HACD2: variants seen among roughly 807,000 people sequenced by gnomAD.
HACD2 encodes very-long-chain (3R)-3-hydroxyacyl-CoA dehydratase 2.
Under a neutral mutation model 31.0 loss-of-function variants are expected in HACD2, and 15 were observed. The ratio of observed to expected loss-of-function variants is 0.48; its 90% CI spans 0.32 to 0.75. The LOEUF (loss-of-function observed/expected upper bound fraction) is 0.75, where lower values mean the gene tolerates loss of function less well. Ranked by LOEUF, HACD2 falls within the 30% of genes least tolerant of loss-of-function variation. HACD2 has a pLI of 0.03. For synonymous variants in HACD2, 115 were observed against 122.2 expected (o/e 0.94, Z 0.39); for missense variants, 283 against 313.0 (o/e 0.90, Z 0.72).
intron 3 of HACD2, among the ~76,000 whole-genome samples, chr3:123,549,658 A>G (rs892916204): frequency 2.0e-5 from 3 of 152,064 alleles, no homozygotes; most frequent in African/African-American, 7.2e-5. Flanking sequence ...TGAGGTGGAA[A>G]GATTGCTTGA....
chr3:123,584,682 G>A, intron 1 of HACD2, 191 bp downstream of exon 1: 1 of 417,484 alleles, frequency 2.4e-6, no homozygotes. Flanking sequence ...GCAGGAGGGA[G>A]CTCGCGGGCA....
chr3:123,506,397 A>G (rs572322773), intron 4 of HACD2, among the ~76,000 whole-genome samples: 1 of 152,134 alleles, frequency 6.6e-6, no homozygotes, highest in East Asian at 1.9e-4. Flanking sequence ...ATGATAACTT[A>G]TATTTTTCTT....
intron 3 of HACD2, among the ~76,000 whole-genome samples, chr3:123,548,196 T>C (rs1003217784): frequency 2.6e-5 from 4 of 151,970 alleles, no homozygotes; most frequent in African/African-American, 4.8e-5. Context: ...TTCTAACAAA[T>C]AGAAAACAAG....
chr3:123,519,863 T>C (rs531203366), intron 4 of HACD2, among the ~76,000 whole-genome samples: 13 of 152,364 alleles, frequency 8.5e-5, no homozygotes, highest in Admixed American at 2.0e-4. Context: ...TTCTAACTTT[T>C]CTTGGCTTTG....
At chr3:123,546,294 G>A (rs748404667) in intron 3 of HACD2, among the ~76,000 whole-genome samples, 3 of 152,020 alleles carry the variant, frequency 2.0e-5, no homozygotes, top group Non-Finnish European at 4.4e-5. Context: ...TTGCTCTATC[G>A]GCTCAGGACT....
At chr3:123,500,402 A>G (rs2055888332) in intron 6 of HACD2, 113 bp downstream of exon 6, 1 of 717,094 alleles carries the variant, frequency 1.4e-6, no homozygotes, top group Non-Finnish European at 2.2e-6. Context: ...AGAATTCCCA[A>G]TAAATGAGAT....
At chr3:123,543,059 C>G (rs1485008169) in intron 3 of HACD2, among the ~76,000 whole-genome samples, 3 of 152,234 alleles carry the variant, frequency 2.0e-5, no homozygotes, top group Non-Finnish European at 4.4e-5. Flanking sequence ...GGGAATATTA[C>G]ATTCCAGGTT....
rs922672240 is a variant in HACD2 at position 123,494,131 on chromosome 3, C to T, written c.*757G>A. 5 of 152,212 alleles carry T rather than the reference C, an allele frequency of 3.3e-5. No individual in the cohort carries two copies. 9.4% of individuals were successfully genotyped at this position (152,212 alleles called of 1,614,324 possible). ...GTCACTTTTGAGCTATTGAGCTCCC[C>T]CTTTCTGAGACCTGTCATTTTGTTA... On this transcript the variant is annotated 3_prime_UTR_variant, in exon 7 of 7. Coordinates refer to ENST00000383657, the MANE Select transcript of HACD2 (RefSeq NM_198402.5).
At chr3:123,563,430 C>T (rs1228635800) in intron 3 of HACD2, among the ~76,000 whole-genome samples, 1 of 152,086 alleles carries the variant, frequency 6.6e-6, no homozygotes, top group Non-Finnish European at 1.5e-5. Flanking sequence ...GGGCAGGGCA[C>T]AGATCATGAA....
At chr3:123,535,671 T>A (rs1357675545) in intron 3 of HACD2, among the ~76,000 whole-genome samples, 1 of 152,118 alleles carries the variant, frequency 6.6e-6, no homozygotes, top group African/African-American at 2.4e-5. Flanking sequence ...ACAGCAATGG[T>A]GAAGTGGGGG....
chr3:123,567,757 C>A lies in HACD2; in HGVS notation c.292+5G>T. ...TACATAGTAGGGGGGAATATCCATACTTACCTATAGCACAATGTAAAATCT... is the reference window on the plus strand; with the variant it reads ...TACATAGTAGGGGGGAATATCCATAATTACCTATAGCACAATGTAAAATCT... On this transcript the variant is annotated splice_donor_5th_base_variant and intron_variant, in intron 3 of 6. Transcript: ENST00000383657. 6.8e-7 allele frequency: 1 copy of A among 1,479,470 alleles called. No homozygotes were observed. The highest frequency in any genetic ancestry group is 9.1e-7 in the Non-Finnish European group (1 of 1,101,872). 91.6% of individuals were successfully genotyped at this position (1,479,470 alleles called of 1,614,324 possible). A position where few individuals can be genotyped will look rare whatever the true frequency, so the allele number is the denominator to read the frequency against.
chr3:123,537,590 C>A (rs1015905376), intron 3 of HACD2, among the ~76,000 whole-genome samples: 20 of 151,164 alleles, frequency 1.3e-4, no homozygotes, highest in Non-Finnish European at 2.5e-4. Flanking sequence ...CACATACACA[C>A]ACACACACAC....
At chr3:123,536,879 T>C (rs147760425) in intron 3 of HACD2, among the ~76,000 whole-genome samples, 2 of 152,242 alleles carry the variant, frequency 1.3e-5, no homozygotes, top group Non-Finnish European at 2.9e-5. Flanking sequence ...AGGCAAAAGG[T>C]AGACATCACC....
chr3:123,499,585 G>A, intron 6 of HACD2: 1 of 454,160 alleles, frequency 2.2e-6, no homozygotes, highest in Non-Finnish European at 4.4e-6. Flanking sequence ...TTGTTAGGGT[G>A]ATTCATTCCG....
At chr3:123,532,568 C>T (rs567134530) in intron 3 of HACD2, among the ~76,000 whole-genome samples, 12 of 152,172 alleles carry the variant, frequency 7.9e-5, no homozygotes, top group African/African-American at 9.7e-5. Flanking sequence ...CAGTGGCTTA[C>T]GCCTGTAATC....
intron 4 of HACD2, among the ~76,000 whole-genome samples, chr3:123,521,541 G>A (rs549968047): frequency 2.8e-4 from 42 of 150,642 alleles, no homozygotes; most frequent in African/African-American, 7.3e-4. Flanking sequence ...CCCTTCTTGC[G>A]TTAGAATTGA....
chr3:123,515,931 T>C (rs2056129755), intron 4 of HACD2, among the ~76,000 whole-genome samples: 1 of 152,056 alleles, frequency 6.6e-6, no homozygotes, highest in African/African-American at 2.4e-5. Flanking sequence ...TAAATTTTTG[T>C]ATTTTTTTGG....
chr3:123,544,849 G>A (rs1190274535), intron 3 of HACD2, among the ~76,000 whole-genome samples: 3 of 151,850 alleles, frequency 2.0e-5, no homozygotes, highest in Non-Finnish European at 4.4e-5. Flanking sequence ...ACAGGCAGGA[G>A]GAATGCTTGA....
At chr3:123,514,218 T>C (rs998553810) in intron 4 of HACD2, among the ~76,000 whole-genome samples, 1 of 152,064 alleles carries the variant, frequency 6.6e-6, no homozygotes. Flanking sequence ...GAGGTTGCAG[T>C]GAGCCAAGAT....
Sources: gnomAD v4.1 joint callset for allele counts (sites outside exome capture counted in the v4.1 genomes callset) on GRCh38, gnomAD v4.1.1 for gene constraint, MANE v1.5 for transcripts, NCBI Gene and HGNC (gene_info 2026-07-23, HGNC 2026-07-21) for gene names.